EPHA4: variants seen among roughly 807,000 people sequenced by gnomAD.
EPHA4 encodes the protein ephrin type-A receptor 4.
In EPHA4, 19 loss-of-function variants were observed where a neutral mutation model predicts 108.3. The ratio of observed to expected loss-of-function variants is 0.18; its 90% CI spans 0.12 to 0.26. The LOEUF (loss-of-function observed/expected upper bound fraction) is 0.26, where lower values mean the gene tolerates loss of function less well. Among genes scored for constraint, EPHA4 ranks in the 10% least tolerant of loss-of-function variants. The probability of loss-of-function intolerance (pLI) is 1.00; values close to 1 mark genes in which losing one functional copy is unlikely to be tolerated. For missense variants in EPHA4, 917 were observed against 1,254.0 expected (o/e 0.73, Z 4.06); for synonymous variants, 449 against 455.5 (o/e 0.99, Z 0.18).
At chr2:221,569,052 G>T (rs1694753218) in intron 1 of EPHA4, among the ~76,000 whole-genome samples, 1 of 152,154 alleles carries the variant, frequency 6.6e-6, no homozygotes, top group South Asian at 2.1e-4. Context: ...TAAAAAGGAT[G>T]AATAGAGAAT....
intron 16 of EPHA4, 116 bp downstream of exon 16, chr2:221,426,348 G>T: frequency 7.9e-7 from 1 of 1,260,606 alleles, no homozygotes; most frequent in Non-Finnish European, 1.1e-6. Flanking sequence ...CAATCAAAAT[G>T]AGAGGCATTC....
chr2:221,496,885 G>T (rs1403436201), intron 4 of EPHA4, among the ~76,000 whole-genome samples: 1 of 152,088 alleles, frequency 6.6e-6, no homozygotes, highest in African/African-American at 2.4e-5. Flanking sequence ...CTCCGGCCAG[G>T]GTGACAAGAG....
intron 4 of EPHA4, among the ~76,000 whole-genome samples, chr2:221,499,765 T>A (rs1271563151): frequency 2.4e-4 from 30 of 124,742 alleles, no homozygotes; most frequent in African/African-American, 9.3e-4. Flanking sequence ...TATTTTTTTT[T>A]TTTTTTTTTG....
chr2:221,480,796 G>A (rs1189405389), intron 5 of EPHA4, among the ~76,000 whole-genome samples: 2 of 152,110 alleles, frequency 1.3e-5, no homozygotes, highest in Non-Finnish European at 2.9e-5. Flanking sequence ...CCTTCCCCAA[G>A]TCTTAACTTT....
chr2:221,472,277 G>A (rs1404686619), intron 5 of EPHA4, among the ~76,000 whole-genome samples: 2 of 139,380 alleles, frequency 1.4e-5, no homozygotes, highest in East Asian at 4.3e-4. Flanking sequence ...TCAGGTTTAT[G>A]CTCAAAATAC....
At chr2:221,467,087 C>T (rs560690944) in intron 5 of EPHA4, among the ~76,000 whole-genome samples, 1 of 152,108 alleles carries the variant, frequency 6.6e-6, no homozygotes, top group Non-Finnish European at 1.5e-5. Context: ...ACTTTTGGTG[C>T]AGAATGAACT....
At chr2:221,568,601 A>G (rs1559298185) in intron 2 of EPHA4, 117 bp downstream of exon 2, 9 of 716,802 alleles carry the variant, frequency 1.3e-5, no homozygotes, top group Non-Finnish European at 1.2e-5. Context: ...TTCATAGGCC[A>G]CAGCGGAAAT....
chr2:221,539,786 A>G (rs986244652), intron 3 of EPHA4, among the ~76,000 whole-genome samples: 3 of 152,208 alleles, frequency 2.0e-5, no homozygotes, highest in Admixed American at 6.5e-5. Flanking sequence ...ATTTAGGAAG[A>G]CTTGTAATCC....
intron 3 of EPHA4, among the ~76,000 whole-genome samples, chr2:221,542,238 TAAG>T (rs1445835404): frequency 6.6e-6 from 1 of 152,210 alleles, no homozygotes; most frequent in Non-Finnish European, 1.5e-5. Flanking sequence ...AAATATTTTT[TAAG>T]AAGAAGGTGC....
rs762405674 is a variant in EPHA4 at position 221,425,619 on chromosome 2, C to A, written c.*409G>T. 3.0e-5 allele frequency: 5 copies of A among 166,054 alleles called. No homozygotes were observed. Among genetic ancestry groups the A allele is most frequent in the Non-Finnish European group, 5.2e-5 (4 of 76,832 alleles). The allele number at this position is 166,054 out of a possible 1,614,324, so 10.3% of individuals were successfully genotyped here. A position where few individuals can be genotyped will look rare whatever the true frequency, so the allele number is the denominator to read the frequency against. On this transcript the variant is annotated 3_prime_UTR_variant, in exon 17 of 18. Transcript: ENST00000281821. The stretch of plus-strand genomic sequence containing the variant: ...GCATGGTCTTCATTCCAGTGAAAGA[C>A]AGATGACTGTAATTTATGCCACAAA...
chr2:221,563,362 C>G (rs1213682159), intron 3 of EPHA4, among the ~76,000 whole-genome samples: 1 of 152,176 alleles, frequency 6.6e-6, no homozygotes, highest in Non-Finnish European at 1.5e-5. Flanking sequence ...TGTCATTTTA[C>G]CAAGTCCATA....
intron 3 of EPHA4, among the ~76,000 whole-genome samples, chr2:221,543,558 G>T (rs10191992): frequency 0.11 from 17,298 of 152,076 alleles, 1,209 homozygotes; most frequent in African/African-American, 0.2. Flanking sequence ...AAATAAGTTC[G>T]CTTCAACATG....
At chr2:221,530,344 A>T (rs1002492603) in intron 3 of EPHA4, among the ~76,000 whole-genome samples, 3 of 152,246 alleles carry the variant, frequency 2.0e-5, no homozygotes, top group Non-Finnish European at 2.9e-5. Context: ...AAGAGAAAGG[A>T]TGTGATCACA....
chr2:221,426,704 AAGG>A (rs1559234868), intron 15 of EPHA4, 85 bp from the exon 16 acceptor site: 2 of 1,233,724 alleles, frequency 1.6e-6, no homozygotes, highest in East Asian at 5.0e-5. Flanking sequence ...TCAAATAGGC[AAGG>A]AGAACTGAAA....
At chr2:221,467,493 G>C (rs1691347151) in intron 5 of EPHA4, among the ~76,000 whole-genome samples, 1 of 152,194 alleles carries the variant, frequency 6.6e-6, no homozygotes, top group Admixed American at 6.5e-5. Flanking sequence ...TTGCAAATTA[G>C]AGCTTTTGCA....
intron 4 of EPHA4, 84 bp downstream of exon 4, chr2:221,500,933 C>A: frequency 7.2e-7 from 1 of 1,380,074 alleles, no homozygotes; most frequent in Non-Finnish European, 9.6e-7. Context: ...AATGATTATC[C>A]CAGGAGAAGA....
chr2:221,566,859 G>A (rs1288374021), intron 2 of EPHA4, among the ~76,000 whole-genome samples: 1 of 61,778 alleles, frequency 1.6e-5, no homozygotes, highest in Non-Finnish European at 3.0e-5. Flanking sequence ...AGAAGGAGAA[G>A]AAGAAGAAGA....
chr2:221,437,203 A>C (rs1211359350), intron 11 of EPHA4, 81 bp from the exon 12 acceptor site: 1 of 1,000,652 alleles, frequency 1.0e-6, no homozygotes, highest in South Asian at 1.3e-5. Flanking sequence ...GCACAATTTT[A>C]CTGCCAAGAT....
chr2:221,467,486 C>G (rs940861724), intron 5 of EPHA4, among the ~76,000 whole-genome samples: 3 of 152,152 alleles, frequency 2.0e-5, no homozygotes, highest in African/African-American at 7.2e-5. Context: ...TAAGGTTTTG[C>G]AAATTAGAGC....
Sources: allele counts gnomAD v4.1 joint callset (sites outside exome capture counted in the v4.1 genomes callset), GRCh38; gene constraint gnomAD v4.1.1; transcripts MANE v1.5; gene names NCBI Gene and HGNC (gene_info 2026-07-23, HGNC 2026-07-21).